XPR1: variants seen among roughly 807,000 people sequenced by gnomAD.
XPR1 encodes the protein solute carrier family 53 member 1.
Under a neutral mutation model 87.5 loss-of-function variants are expected in XPR1, and 28 were observed. The observed-to-expected ratio is 0.32, with a 90% CI of 0.24 to 0.44. XPR1 has a LOEUF of 0.44. XPR1 is among the 20% of genes least tolerant of loss of function. The pLI is 1.00. For synonymous variants in XPR1, 300 were observed against 306.1 expected, an observed-to-expected ratio of 0.98 and a Z score of 0.21; for missense variants, 559 against 862.3, an observed-to-expected ratio of 0.65 and a Z score of 4.41.
chr1:180,856,658 T>C (rs1652043076), intron 11 of XPR1, among the ~76,000 whole-genome samples: 1 of 152,236 alleles, frequency 6.6e-6, no homozygotes, highest in East Asian at 1.9e-4. Flanking sequence ...CTAGGAGTTA[T>C]TTTTGACTGT....
At chr1:180,683,844 T>C (rs952373738) in intron 2 of XPR1, among the ~76,000 whole-genome samples, 257 of 151,900 alleles carry the variant, frequency 1.7e-3, no homozygotes, top group South Asian at 5.8e-3. Context: ...TTCAGTTCAT[T>C]GTAGATTCTG....
intron 2 of XPR1, among the ~76,000 whole-genome samples, chr1:180,693,640 A>G (rs1201483276): frequency 6.6e-6 from 1 of 152,132 alleles, no homozygotes; most frequent in Non-Finnish European, 1.5e-5. Flanking sequence ...TTCCTTCTGG[A>G]ATTCTGAGAG....
intron 2 of XPR1, among the ~76,000 whole-genome samples, chr1:180,726,071 G>A (rs1658327517): frequency 6.6e-6 from 1 of 152,220 alleles, no homozygotes; most frequent in South Asian, 2.1e-4. Context: ...TTTCTGTCTA[G>A]CTAGAGGAGT....
intron 7 of XPR1, among the ~76,000 whole-genome samples, chr1:180,816,018 T>G (rs1260635177): frequency 6.6e-6 from 1 of 152,226 alleles, no homozygotes; most frequent in East Asian, 1.9e-4. Flanking sequence ...CAAATATTCA[T>G]AAATTGATAG....
chr1:180,759,300 A>C (rs2102049132), intron 2 of XPR1, among the ~76,000 whole-genome samples: 1 of 152,314 alleles, frequency 6.6e-6, no homozygotes, highest in South Asian at 2.1e-4. Flanking sequence ...GACACAAAAA[A>C]CCCTTCAAAA....
chr1:180,827,171 A>T (rs1650879217), intron 9 of XPR1, among the ~76,000 whole-genome samples: 2 of 151,242 alleles, frequency 1.3e-5, no homozygotes, highest in Non-Finnish European at 2.9e-5. Flanking sequence ...AAAAAAAAAA[A>T]AAAAAAGGGG....
At chr1:180,709,319 A>T (rs1181352700) in intron 2 of XPR1, among the ~76,000 whole-genome samples, 1 of 152,222 alleles carries the variant, frequency 6.6e-6, no homozygotes, top group African/African-American at 2.4e-5. Context: ...TAAACTGTAT[A>T]TATTTAAAGT....
chr1:180,860,729 T>C (rs1025677067), intron 11 of XPR1, among the ~76,000 whole-genome samples: 1 of 151,718 alleles, frequency 6.6e-6, no homozygotes, highest in Non-Finnish European at 1.5e-5. Flanking sequence ...TTTGGAGTTA[T>C]GGAGATGGTC....
At chr1:180,655,065 C>G (rs1025154884) in intron 1 of XPR1, among the ~76,000 whole-genome samples, 1 of 152,180 alleles carries the variant, frequency 6.6e-6, no homozygotes, top group Non-Finnish European at 1.5e-5. Flanking sequence ...CACAATTTCT[C>G]CACCTTTTTG....
At chr1:180,665,313 T>C (rs1345668963) in intron 1 of XPR1, among the ~76,000 whole-genome samples, 1 of 152,116 alleles carries the variant, frequency 6.6e-6, no homozygotes, top group Non-Finnish European at 1.5e-5. Context: ...GGTCCCACCC[T>C]TGACATTCGT....
At chr1:180,708,909 T>TTGGGG (rs1657650385) in intron 2 of XPR1, among the ~76,000 whole-genome samples, 1 of 23,740 alleles carries the variant, frequency 4.2e-5, no homozygotes, top group Non-Finnish European at 7.5e-5. Flanking sequence ...TTTTTTTTTT[T>TTGGGG]GGGGGGGGGG....
At chr1:180,662,174 G>T (rs1360468074) in intron 1 of XPR1, among the ~76,000 whole-genome samples, 3 of 152,120 alleles carry the variant, frequency 2.0e-5, no homozygotes, top group Non-Finnish European at 4.4e-5. Context: ...AGTTTTGTAT[G>T]TTGAGATGAT....
intron 11 of XPR1, 30 bp downstream of exon 11, chr1:180,836,746 T>C (rs780641562): frequency 3.7e-6 from 6 of 1,608,152 alleles, no homozygotes; most frequent in Non-Finnish European, 4.2e-6. Flanking sequence ...GAAGAGATTT[T>C]TTTAAACCTG....
At chr1:180,803,359 AT>A (rs759108321) in intron 3 of XPR1, 28 bp from the exon 4 acceptor site, 2 of 1,591,202 alleles carry the variant, frequency 1.3e-6, no homozygotes, top group Non-Finnish European at 1.7e-6. Context: ...TATCTTACTG[AT>A]TTGACAGTTC....
At chr1:180,826,284 C>T (rs1289840738) in intron 9 of XPR1, among the ~76,000 whole-genome samples, 2 of 152,072 alleles carry the variant, frequency 1.3e-5, no homozygotes, top group Non-Finnish European at 2.9e-5. Flanking sequence ...GGTACAGTCG[C>T]TCATGCCTAT....
intron 2 of XPR1, among the ~76,000 whole-genome samples, chr1:180,781,931 G>A (rs1345811860): frequency 6.6e-6 from 1 of 151,920 alleles, no homozygotes; most frequent in African/African-American, 2.4e-5. Context: ...GTAATTTGCG[G>A]GGTGGATGAG....
intron 11 of XPR1, among the ~76,000 whole-genome samples, chr1:180,862,395 C>A (rs777866657): frequency 1.3e-5 from 2 of 152,028 alleles, no homozygotes; most frequent in South Asian, 2.1e-4. Context: ...ACCTGTACTT[C>A]CCCCCACCTT....
At chr1:180,738,126 G>A (rs772934526) in intron 2 of XPR1, among the ~76,000 whole-genome samples, 42 of 152,068 alleles carry the variant, frequency 2.8e-4, no homozygotes, top group South Asian at 1.9e-3. Flanking sequence ...ATTCTCCTGC[G>A]TCAGCCTCCC....
At chr1:180,683,413 CTG>C in intron 2 of XPR1, among the ~76,000 whole-genome samples, 3 of 152,116 alleles carry the variant, frequency 2.0e-5, no homozygotes, top group African/African-American at 7.2e-5. Flanking sequence ...GTGAATAGTG[CTG>C]CTATAAACAT....
Sources: allele counts gnomAD v4.1 joint callset (sites outside exome capture counted in the v4.1 genomes callset), GRCh38; gene constraint gnomAD v4.1.1; transcripts MANE v1.5; gene names NCBI Gene and HGNC (gene_info 2026-07-23, HGNC 2026-07-21).